TNFRSF11B: variants seen among roughly 807,000 people sequenced by gnomAD.
TNFRSF11B encodes the protein tumor necrosis factor receptor superfamily member 11B.
Under a neutral mutation model 43.4 loss-of-function variants are expected in TNFRSF11B, and 16 were observed. That is an observed-to-expected ratio of 0.37 (90% CI 0.25 to 0.56). TNFRSF11B has a LOEUF of 0.56. TNFRSF11B is among the 20% of genes least tolerant of loss of function. The probability of loss-of-function intolerance (pLI) is 0.80; values close to 1 mark genes in which losing one functional copy is unlikely to be tolerated. For synonymous variants in TNFRSF11B, 185 were observed against 181.8 expected, an observed-to-expected ratio of 1.02 and a Z score of -0.14; for missense variants, 444 against 490.1, an observed-to-expected ratio of 0.91 and a Z score of 0.89.
At chr8:118,951,541 C>T (rs74453145) in intron 1 of TNFRSF11B, among the ~76,000 whole-genome samples, 2 of 147,542 alleles carry the variant, frequency 1.4e-5, no homozygotes, top group African/African-American at 2.5e-5. Flanking sequence ...TCTCTCTCTC[C>T]CTCTCTCTCG....
chr8:118,930,769 C>T (rs1264389558), intron 2 of TNFRSF11B: 2 of 451,834 alleles, frequency 4.4e-6, no homozygotes, highest in East Asian at 1.4e-4. Flanking sequence ...CTCCTGCATC[C>T]TAATGAGAAG....
At chr8:118,931,645 C>T (rs996403669) in intron 2 of TNFRSF11B, among the ~76,000 whole-genome samples, 1 of 152,084 alleles carries the variant, frequency 6.6e-6, no homozygotes, top group Non-Finnish European at 1.5e-5. Flanking sequence ...AATACTCATA[C>T]GAAGAGGAAT....
rs527489842 is a variant in TNFRSF11B, at chr8:118,951,869, C to A, written c.-48G>T. On this transcript the variant is annotated 5_prime_UTR_variant, in exon 1 of 5. Transcript: ENST00000297350. ...GGCTTGGAGGCGGCGGCTGGGCGAG[C>A]GCTCCGGTGCGTCTCCGCAGCCCGT... 9 of 1,531,988 alleles carry A rather than the reference C, an allele frequency of 5.9e-6. 1 individual carries two copies. The South Asian group carries it at 7.1e-5, about 12-fold the overall frequency. 94.9% of individuals were successfully genotyped at this position (1,531,988 alleles called of 1,614,324 possible).
At chr8:118,927,495 G>T (rs1563688584) in intron 3 of TNFRSF11B, among the ~76,000 whole-genome samples, 2 of 149,312 alleles carry the variant, frequency 1.3e-5, no homozygotes, top group South Asian at 2.1e-4. Context: ...AATTAAAAAT[G>T]AATTAATTAA....
chr8:118,948,092 G>A (rs1365872548), intron 1 of TNFRSF11B, among the ~76,000 whole-genome samples: 1 of 152,170 alleles, frequency 6.6e-6, no homozygotes, highest in Admixed American at 6.5e-5. Flanking sequence ...TTGTAAAAGT[G>A]CATGAAAGAA....
chr8:118,933,698 T>G (rs1284775887), intron 1 of TNFRSF11B, among the ~76,000 whole-genome samples: 3 of 152,226 alleles, frequency 2.0e-5, no homozygotes, highest in Non-Finnish European at 4.4e-5. Context: ...GTTAAAAATA[T>G]AGATTCCTGG....
chr8:118,931,468 CTT>C (rs1210674636), intron 2 of TNFRSF11B, among the ~76,000 whole-genome samples: 2 of 152,170 alleles, frequency 1.3e-5, no homozygotes, highest in Admixed American at 1.3e-4. Flanking sequence ...GCATAGCCCA[CTT>C]TTCATTTTTC....
intron 2 of TNFRSF11B, among the ~76,000 whole-genome samples, chr8:118,931,949 G>A (rs978625544): frequency 6.6e-6 from 1 of 152,070 alleles, no homozygotes; most frequent in African/African-American, 2.4e-5. Flanking sequence ...GACTGCTATT[G>A]GTATCTAGTG....
chr8:118,949,839 C>T (rs1481310029), intron 1 of TNFRSF11B, among the ~76,000 whole-genome samples: 1 of 152,164 alleles, frequency 6.6e-6, no homozygotes, highest in Non-Finnish European at 1.5e-5. Context: ...GCTTCTAGTT[C>T]CTACAGTGGC....
At chr8:118,951,298 CATA>C (rs1392308785) in intron 1 of TNFRSF11B, among the ~76,000 whole-genome samples, 1 of 152,132 alleles carries the variant, frequency 6.6e-6, no homozygotes, top group Non-Finnish European at 1.5e-5. Context: ...CAAAATTTCA[CATA>C]ATATTTACAT....
chr8:118,940,761 A>G (rs964862923), intron 1 of TNFRSF11B, among the ~76,000 whole-genome samples: 2 of 152,196 alleles, frequency 1.3e-5, no homozygotes, highest in African/African-American at 4.8e-5. Context: ...GTCTCCAGAA[A>G]AAAAGCACCT....
chr8:118,943,701 A>C (rs1812520212), intron 1 of TNFRSF11B, among the ~76,000 whole-genome samples: 4 of 152,148 alleles, frequency 2.6e-5, no homozygotes, highest in Non-Finnish European at 5.9e-5. Flanking sequence ...CTATTCTAAA[A>C]ATGATTAGCG....
At chr8:118,926,335 A>G (rs565908956) in intron 4 of TNFRSF11B, among the ~76,000 whole-genome samples, 159 bp downstream of exon 4, 1 of 152,356 alleles carries the variant, frequency 6.6e-6, no homozygotes, top group South Asian at 2.1e-4. Context: ...TTGGAATCAC[A>G]TCTACATTAT....
intron 3 of TNFRSF11B, among the ~76,000 whole-genome samples, 181 bp from the exon 4 acceptor site, chr8:118,926,899 G>A (rs1051548608): frequency 1.3e-5 from 2 of 152,212 alleles, no homozygotes; most frequent in Admixed American, 1.3e-4. Context: ...GAGACCAACT[G>A]AGCTTACGTG....
At chr8:118,951,747 G>A (rs772844478) in intron 1 of TNFRSF11B, 45 bp downstream of exon 1, 9 of 1,558,632 alleles carry the variant, frequency 5.8e-6, no homozygotes, top group Middle Eastern at 1.7e-4. Context: ...GGTGGCAGCA[G>A]CCTCCCCAGG....
intron 1 of TNFRSF11B, among the ~76,000 whole-genome samples, chr8:118,951,591 G>A (rs1812646580): frequency 6.6e-6 from 1 of 152,128 alleles, no homozygotes; most frequent in Non-Finnish European, 1.5e-5. Flanking sequence ...AAAGTCAGCA[G>A]GAACTTTGCA....
chr8:118,934,172 G>T (rs1812370099), intron 1 of TNFRSF11B, among the ~76,000 whole-genome samples: 1 of 152,018 alleles, frequency 6.6e-6, no homozygotes, highest in Non-Finnish European at 1.5e-5. Flanking sequence ...GATATGCGAA[G>T]GTATATGATT....
chr8:118,927,551 A>ATTTT lies in TNFRSF11B; in HGVS notation c.593-837_593-834dup, dbSNP rs10675780. Among the ~76,000 whole-genome samples, 446 of 136,184 alleles carry ATTTT rather than the reference A, an allele frequency of 3.3e-3. 5 individuals are homozygous for ATTTT. The highest frequency in any genetic ancestry group is 6.8e-3 in the African/African-American group (250 of 36,768). 89.3% of individuals were successfully genotyped at this position (136,184 alleles called of 152,430 possible). On this transcript the variant is annotated intron_variant, in intron 3 of 4. Transcript: ENST00000297350. ...CACTCCTTTTAATACCCCTTCCTTCATTTTTTTTTTTTTTTTTTAGATAAG... is the reference window on the plus strand; with the variant it reads ...CACTCCTTTTAATACCCCTTCCTTCATTTTTTTTTTTTTTTTTTTTTTAGATAAG...
intron 1 of TNFRSF11B, among the ~76,000 whole-genome samples, chr8:118,948,957 C>T (rs1034993976): frequency 2.0e-5 from 3 of 152,150 alleles, no homozygotes; most frequent in African/African-American, 7.2e-5. Context: ...ACCCCAACTC[C>T]TAGTATCATA....
Sources: allele counts gnomAD v4.1 joint callset (sites outside exome capture counted in the v4.1 genomes callset), GRCh38; gene constraint gnomAD v4.1.1; transcripts MANE v1.5; gene names NCBI Gene and HGNC (gene_info 2026-07-23, HGNC 2026-07-21).